FGGY: variants seen among roughly 807,000 people sequenced by gnomAD.
FGGY encodes the protein FGGY carbohydrate kinase domain containing.
FGGY carries 72 observed loss-of-function variants against 71.3 expected under a neutral mutation model. The observed-to-expected ratio is 1.01, with a 90% CI of 0.84 to 1.23. FGGY has a LOEUF of 1.23. FGGY is among the 50% of genes most tolerant of loss of function. The pLI, the probability that FGGY is intolerant of heterozygous loss-of-function variation, is 0.00. For missense variants in FGGY, 668 were observed against 682.3 expected, an observed-to-expected ratio of 0.98 and a Z score of 0.23; for synonymous variants, 251 against 250.3, an observed-to-expected ratio of 1.00 and a Z score of -0.02.
At chr1:59,697,551 T>A in intron 14 of FGGY, 1 of 599,750 alleles carries the variant, frequency 1.7e-6, no homozygotes, top group African/African-American at 1.9e-5. Flanking sequence ...GGTTGTATTC[T>A]TAATGCAACA....
chr1:59,533,476 G>T (rs2095219985), intron 7 of FGGY, among the ~76,000 whole-genome samples: 1 of 152,234 alleles, frequency 6.6e-6, no homozygotes, highest in Non-Finnish European at 1.5e-5. Flanking sequence ...CAGCCGGGAA[G>T]CTCGAACTGG....
intron 6 of FGGY, among the ~76,000 whole-genome samples, chr1:59,491,666 G>A (rs1484147465): frequency 6.7e-6 from 1 of 150,002 alleles, no homozygotes; most frequent in Non-Finnish European, 1.5e-5. Context: ...GGGATAATTT[G>A]ACTTCCTTCT....
intron 5 of FGGY, among the ~76,000 whole-genome samples, chr1:59,444,406 G>T (rs1276548959): frequency 6.6e-6 from 1 of 152,040 alleles, no homozygotes; most frequent in Middle Eastern, 3.2e-3. Context: ...TCTTCGTGTT[G>T]GGAATGTTTA....
chr1:59,382,936 G>T (rs577823805), intron 5 of FGGY, among the ~76,000 whole-genome samples: 1 of 152,206 alleles, frequency 6.6e-6, no homozygotes, highest in East Asian at 1.9e-4. Context: ...CCAAGGAGAG[G>T]GCTTTTTGAA....
chr1:59,759,492 C>T (rs1408842669), intron 15 of FGGY, among the ~76,000 whole-genome samples: 2 of 152,212 alleles, frequency 1.3e-5, no homozygotes, highest in African/African-American at 4.8e-5. Flanking sequence ...TCCATCTCTT[C>T]CCTGACCCTC....
At chr1:59,411,580 G>A (rs1341147876) in intron 5 of FGGY, among the ~76,000 whole-genome samples, 1 of 152,124 alleles carries the variant, frequency 6.6e-6, no homozygotes, top group African/African-American at 2.4e-5. Flanking sequence ...TTTCCATATG[G>A]TGTTTTTCTA....
chr1:59,698,983 A>C (rs2097687772), intron 14 of FGGY: 1 of 985,220 alleles, frequency 1.0e-6, no homozygotes, highest in Non-Finnish European at 1.2e-6. Context: ...CTAAATGAAA[A>C]CCATGTTTAA....
chr1:59,579,652 A>G (rs1267187200), intron 8 of FGGY, among the ~76,000 whole-genome samples: 1 of 152,070 alleles, frequency 6.6e-6, no homozygotes, highest in African/African-American at 2.4e-5. Flanking sequence ...GGAATCCACC[A>G]ATGTGGACCA....
At chr1:59,509,504 C>T (rs568438440) in intron 6 of FGGY, among the ~76,000 whole-genome samples, 1 of 152,296 alleles carries the variant, frequency 6.6e-6, no homozygotes, top group African/African-American at 2.4e-5. Context: ...CAAGGCCCTG[C>T]ATCCACTGCC....
chr1:59,501,853 A>T (rs886082938), intron 6 of FGGY, among the ~76,000 whole-genome samples: 4 of 152,160 alleles, frequency 2.6e-5, no homozygotes, highest in African/African-American at 9.7e-5. Context: ...ATGCTGTAAC[A>T]TCAAGGATCT....
At position 59,630,665 on chromosome 1, in the gene FGGY, T is replaced by C. The variant is rs144381967; in HGVS notation, c.1073+4616T>C. On this transcript the variant is annotated intron_variant, in intron 10 of 15. Transcript: ENST00000303721. ...CATACTCTAAACTTCCAGAACTTTC[T>C]TCTATAGATAAACTTCATTTGAGTA... Among the ~76,000 whole-genome samples the C allele has an allele frequency of 1.0e-3, 159 of 152,346 alleles. 1 individual carries two copies. Among genetic ancestry groups the C allele is most frequent in the African/African-American group, 3.5e-3 (146 of 41,574 alleles).
At chr1:59,365,540 A>C (rs769167444) in intron 4 of FGGY, among the ~76,000 whole-genome samples, 6 of 152,190 alleles carry the variant, frequency 3.9e-5, no homozygotes, top group Non-Finnish European at 7.3e-5. Context: ...TAAGAAATGC[A>C]CTTCTGCATT....
At chr1:59,676,381 T>A (rs1263319891) in intron 14 of FGGY, among the ~76,000 whole-genome samples, 1 of 151,986 alleles carries the variant, frequency 6.6e-6, no homozygotes, top group Non-Finnish European at 1.5e-5. Context: ...ATTTTCTGGC[T>A]TCTTAAGTGT....
intron 1 of FGGY, among the ~76,000 whole-genome samples, chr1:59,314,423 G>T (rs2045018755): frequency 6.6e-6 from 1 of 152,132 alleles, no homozygotes; most frequent in Non-Finnish European, 1.5e-5. Flanking sequence ...GCCTCCCAGT[G>T]CCATTGATTC....
At chr1:59,587,980 A>T (rs191656556) in intron 8 of FGGY, among the ~76,000 whole-genome samples, 1 of 152,342 alleles carries the variant, frequency 6.6e-6, no homozygotes, top group African/African-American at 2.4e-5. Flanking sequence ...AAGGCTTCAG[A>T]CCATCAAACT....
intron 6 of FGGY, among the ~76,000 whole-genome samples, chr1:59,489,681 G>A (rs931221670): frequency 1.1e-4 from 16 of 152,162 alleles, no homozygotes; most frequent in Admixed American, 7.2e-4. Flanking sequence ...GTAAATGGGA[G>A]TAAAGATATG....
intron 7 of FGGY, among the ~76,000 whole-genome samples, chr1:59,542,332 G>C (rs1340530020): frequency 6.6e-6 from 1 of 150,524 alleles, no homozygotes; most frequent in Non-Finnish European, 1.5e-5. Flanking sequence ...GTTGTGCTCT[G>C]TAAATGTTTA....
At chr1:59,753,664 T>G (rs1457472961) in intron 14 of FGGY, among the ~76,000 whole-genome samples, 1 of 151,592 alleles carries the variant, frequency 6.6e-6, no homozygotes, top group Non-Finnish European at 1.5e-5. Flanking sequence ...CCGATCTTTA[T>G]TATGCATATA....
At chr1:59,730,623 T>G (rs2098014633) in intron 14 of FGGY, among the ~76,000 whole-genome samples, 1 of 152,160 alleles carries the variant, frequency 6.6e-6, no homozygotes, top group Non-Finnish European at 1.5e-5. Flanking sequence ...GCCTACATTA[T>G]TACAGTGGTG....
Sources: gnomAD v4.1 joint callset for allele counts (sites outside exome capture counted in the v4.1 genomes callset) on GRCh38, gnomAD v4.1.1 for gene constraint, MANE v1.5 for transcripts, NCBI Gene and HGNC (gene_info 2026-07-23, HGNC 2026-07-21) for gene names.